DCPS: variants seen among roughly 807,000 people sequenced by gnomAD.
DCPS encodes the protein m7GpppX diphosphatase.
DCPS carries 27 observed loss-of-function variants against 34.7 expected under a neutral mutation model. The observed-to-expected ratio is 0.78, with a 90% CI of 0.57 to 1.07. The LOEUF is 1.07. DCPS is among the 50% of genes least tolerant of loss of function. DCPS has a pLI of 0.00. For missense variants in DCPS, 464 were observed against 436.9 expected, an observed-to-expected ratio of 1.06 and a Z score of -0.55; for synonymous variants, 185 against 185.7, an observed-to-expected ratio of 1.00 and a Z score of 0.03.
chr11:126,326,852 G>A (rs1168243633), intron 2 of DCPS, among the ~76,000 whole-genome samples: 2 of 152,096 alleles, frequency 1.3e-5, no homozygotes, highest in Non-Finnish European at 2.9e-5. Flanking sequence ...GAGCCCGGGA[G>A]GCGGAGCTTG....
chr11:126,349,875 A>G lies in DCPS; in HGVS notation c.*4262A>G, dbSNP rs141359729. On this transcript the variant is annotated 3_prime_UTR_variant, in exon 6 of 6. Transcript: ENST00000263579. The surrounding 1 kb of genome is among the most constrained non-coding windows in gnomAD (Gnocchi z 5.4). ...TATAATATTATTGAAATTACATTGA[A>G]TTCTGAAATCCATGTCAACTTGAAG... Among the ~76,000 whole-genome samples, 1 of 152,250 alleles carries G rather than the reference A, an allele frequency of 6.6e-6. No homozygotes were observed. The highest frequency in any genetic ancestry group is 2.4e-5 in the African/African-American group (1 of 41,466).
rs1342232627 is a variant in DCPS, at chr11:126,345,873, G to A, written c.*260G>A. 3.6e-6 allele frequency: 2 copies of A among 550,522 alleles called. No homozygotes were observed. Among genetic ancestry groups the A allele is most frequent in the South Asian group, 2.1e-5 (1 of 48,350 alleles). The allele number at this position is 550,522 out of a possible 1,614,324, so 34.1% of individuals were successfully genotyped here. On this transcript the variant is annotated 3_prime_UTR_variant, in exon 6 of 6. Coordinates refer to ENST00000263579, the MANE Select transcript of DCPS (RefSeq NM_014026.6). The surrounding 1 kb of genome is among the most constrained non-coding windows in gnomAD (Gnocchi z 7.4). ...AGGTGGTGGTTTCAACTGACAGGTG[G>A]GAGCTGCCCTGGAAGGGTGCCGAGG...
At chr11:126,308,180 G>A (rs983006241) in intron 2 of DCPS, among the ~76,000 whole-genome samples, 116 of 152,178 alleles carry the variant, frequency 7.6e-4, no homozygotes, top group African/African-American at 2.6e-3. Context: ...TTTTTCTCAA[G>A]ATGGTTAGAT....
rs1234305983 is a variant in DCPS at position 126,313,255 on chromosome 11, A to G, written c.376+6511A>G. On this transcript the variant is annotated intron_variant, in intron 2 of 5. Coordinates refer to ENST00000263579, the MANE Select transcript of DCPS (RefSeq NM_014026.6). The surrounding 1 kb of genome is among the most constrained non-coding windows in gnomAD (Gnocchi z 4.9). ...TCCTGGGAATCGTTTCTCTGGTTGC[A>G]GGGAACTCCCGGTACTGTAGCCACA... Among the ~76,000 whole-genome samples, 1 of 152,194 alleles carries G rather than the reference A, an allele frequency of 6.6e-6. No homozygotes were observed. The highest frequency in any genetic ancestry group is 1.5e-5 in the Non-Finnish European group (1 of 68,038).
rs1951937041 is a variant in DCPS at position 126,347,006 on chromosome 11, C to G, written c.*1393C>G. Among the ~76,000 whole-genome samples the G allele has an allele frequency of 6.6e-6, 1 of 151,912 alleles. No individual in the cohort carries two copies. The highest frequency in any genetic ancestry group is 1.5e-5 in the Non-Finnish European group (1 of 67,988). ...TTGGGAGGCTGAAGCAGGAGAATCC[C>G]TTGAACCCGGGAGGCGGAGGTTGCC... is the stretch of plus-strand genomic sequence containing the variant. On this transcript the variant is annotated 3_prime_UTR_variant, in exon 6 of 6. Transcript: ENST00000263579. This position sits in a 1 kb window ranked among gnomAD's most constrained non-coding sequence, Gnocchi z 4.2.
In DCPS at chr11:126,342,579, C is replaced by T. The variant is rs561061861; in HGVS notation, c.637-728C>T. Among the ~76,000 whole-genome samples the T allele has an allele frequency of 2.6e-5, 4 of 152,328 alleles. No individual in the cohort carries two copies. The highest frequency in any genetic ancestry group is 1.3e-4 in the Admixed American group (2 of 15,298). ...ATTCTACCTTTTTTCTAGACCTGAT[C>T]CTCTGCCTTCTCTTCCAGGAGGCCT... is the stretch of plus-strand genomic sequence containing the variant. On this transcript the variant is annotated intron_variant, in intron 4 of 5. Transcript: ENST00000263579. The surrounding 1 kb of genome is among the most constrained non-coding windows in gnomAD (Gnocchi z 4.4).
Position 126,345,521 on chromosome 11 carries a change from G to T in DCPS, c.922G>T (p.Asp308Tyr). Residue 308 changes from aspartate (D) to tyrosine (Y), a missense_variant, in exon 6 of 6, where the codon GAC (aspartate) becomes TAC (tyrosine). Coordinates refer to ENST00000263579, the MANE Select transcript of DCPS (RefSeq NM_014026.6). The surrounding 1 kb of genome is among the most constrained non-coding windows in gnomAD (Gnocchi z 7.4). ...LAEVIENLEC[D>Y]PRHYQQRTLT... is the part of the protein sequence containing the mutation. ...TGAGGTGATCGAGAACTTGGAGTGT[G>T]ACCCTAGGCACTACCAGCAGCGCAC... 6.2e-7 allele frequency: 1 copy of T among 1,614,106 alleles called. No homozygotes were observed. The highest frequency in any genetic ancestry group is 8.5e-7 in the Non-Finnish European group (1 of 1,180,044).
chr11:126,330,978 C>T (rs1007410053), intron 2 of DCPS, among the ~76,000 whole-genome samples: 6 of 151,762 alleles, frequency 4.0e-5, no homozygotes, highest in Admixed American at 6.6e-5. Context: ...TCAGGTGATC[C>T]GCCTGCCTCG....
rs1038238988 is a variant in DCPS at position 126,347,376 on chromosome 11, C to A, written c.*1763C>A. Reference sequence around the variant, plus strand: ...GTAGCTGGGACTACAGGGGTGCGCCCCCATGCCCAGCTAATTTTTGTATTT... The same window carrying A: ...GTAGCTGGGACTACAGGGGTGCGCCACCATGCCCAGCTAATTTTTGTATTT... On this transcript the variant is annotated 3_prime_UTR_variant, in exon 6 of 6. Coordinates refer to ENST00000263579, the MANE Select transcript of DCPS (RefSeq NM_014026.6). The surrounding 1 kb of genome is among the most constrained non-coding windows in gnomAD (Gnocchi z 4.2). 1.3e-5 allele frequency among the ~76,000 whole-genome samples: 2 copies of A among 152,106 alleles called. No homozygotes were observed. Among genetic ancestry groups the A allele is most frequent in the South Asian group, 2.1e-4 (1 of 4,816 alleles).
rs1176841657 is a variant in DCPS, at chr11:126,347,230, T to G, written c.*1617T>G. 1.3e-5 allele frequency among the ~76,000 whole-genome samples: 2 copies of G among 149,626 alleles called. No individual in the cohort carries two copies. Among genetic ancestry groups the G allele is most frequent in the Non-Finnish European group, 3.0e-5 (2 of 67,260 alleles). On this transcript the variant is annotated 3_prime_UTR_variant, in exon 6 of 6. Transcript: ENST00000263579. This position sits in a 1 kb window ranked among gnomAD's most constrained non-coding sequence, Gnocchi z 4.2. ...CCATTCTTCCCTGCAGCTCTTTTTT[T>G]TTTTTTTTTTTTTGAGACAATCTCG...
chr11:126,334,437 A>T lies in DCPS; in HGVS notation c.522+2887A>T, dbSNP rs538253263. ...CGGCTCACTGCAACCTTCTCCTGCCAGGTTCAAGTGATTCTCCTGTCTCAC... is the reference window on the plus strand; with the variant it reads ...CGGCTCACTGCAACCTTCTCCTGCCTGGTTCAAGTGATTCTCCTGTCTCAC... On this transcript the variant is annotated intron_variant, in intron 3 of 5. Transcript: ENST00000263579. This position sits in a 1 kb window ranked among gnomAD's most constrained non-coding sequence, Gnocchi z 5.5. Among the ~76,000 whole-genome samples the T allele has an allele frequency of 6.6e-6, 1 of 152,012 alleles. No homozygotes were observed. Among genetic ancestry groups the T allele is most frequent in the Non-Finnish European group, 1.5e-5 (1 of 68,004 alleles).
At position 126,327,157 on chromosome 11, in the gene DCPS, G is replaced by T. The variant is rs1028681754; in HGVS notation, c.377-4248G>T. Among the ~76,000 whole-genome samples, 3 of 152,166 alleles carry T rather than the reference G, an allele frequency of 2.0e-5. No individual in the cohort carries two copies. The highest frequency in any genetic ancestry group is 7.2e-5 in the African/African-American group (3 of 41,452). On this transcript the variant is annotated intron_variant, in intron 2 of 5. Transcript: ENST00000263579. This position sits in a 1 kb window ranked among gnomAD's most constrained non-coding sequence, Gnocchi z 4.1. ...CGCCCCTCCCCGGATCCCAACCCCG[G>T]ATCTAATCCAATCCCTTTAGTCCCG...
intron 2 of DCPS, among the ~76,000 whole-genome samples, chr11:126,307,422 A>T (rs111827111): frequency 0.026 from 3,902 of 151,216 alleles, 91 homozygotes; most frequent in African/African-American, 0.068. Flanking sequence ...ATATATATAT[A>T]TTTTTTGAGA....
At position 126,333,753 on chromosome 11, in the gene DCPS, G is replaced by A. The variant is rs1951809644; in HGVS notation, c.522+2203G>A. 1.3e-5 allele frequency among the ~76,000 whole-genome samples: 2 copies of A among 152,188 alleles called. No individual in the cohort carries two copies. Among genetic ancestry groups the A allele is most frequent in the Non-Finnish European group, 2.9e-5 (2 of 68,040 alleles). Reference sequence around the variant, plus strand: ...GTGGACTTTGTCCAGGGGGCCAGGAGTTCCTGAACCTTGCTTACCATCAGG... The same window carrying A: ...GTGGACTTTGTCCAGGGGGCCAGGAATTCCTGAACCTTGCTTACCATCAGG... On this transcript the variant is annotated intron_variant, in intron 3 of 5. Transcript: ENST00000263579. The surrounding 1 kb of genome is among the most constrained non-coding windows in gnomAD (Gnocchi z 5.7).
chr11:126,327,001 A>G lies in DCPS; in HGVS notation c.377-4404A>G, dbSNP rs940723420. Among the ~76,000 whole-genome samples, 8 of 152,194 alleles carry G rather than the reference A, an allele frequency of 5.3e-5. No individual in the cohort carries two copies. Among genetic ancestry groups the G allele is most frequent in the African/African-American group, 1.7e-4 (7 of 41,436 alleles). ...ACATTGGCTTTTTCTGTCTCCACAT[A>G]TACGTAGAATAATGATAACGATGGA... On this transcript the variant is annotated intron_variant, in intron 2 of 5. Coordinates refer to ENST00000263579, the MANE Select transcript of DCPS (RefSeq NM_014026.6). This position sits in a 1 kb window ranked among gnomAD's most constrained non-coding sequence, Gnocchi z 4.1.
rs112209917 is a variant in DCPS, at chr11:126,333,865, TTCTCTCTCTC to T, written c.522+2333_522+2342del. Among the ~76,000 whole-genome samples the T allele has an allele frequency of 5.4e-5, 8 of 149,212 alleles. No individual in the cohort carries two copies. The highest frequency in any genetic ancestry group is 7.4e-5 in the Non-Finnish European group (5 of 67,224). On this transcript the variant is annotated intron_variant, in intron 3 of 5. Coordinates refer to ENST00000263579, the MANE Select transcript of DCPS (RefSeq NM_014026.6). The surrounding 1 kb of genome is among the most constrained non-coding windows in gnomAD (Gnocchi z 5.7). ...ACGCTTCAGGGAGTGGAGCTGGGAA[TTCTCTCTCTC>T]TCTCTCTCTCTCTCTCTGATATTTC...
rs946133205 is a variant in DCPS at position 126,338,999 on chromosome 11, A to G, written c.636+600A>G. Reference sequence around the variant, plus strand: ...CACAGGTATCCCTTTCCAGTTCCCTATGGTCTTCTGTCTCTCCCAGACCAG... The same window carrying G: ...CACAGGTATCCCTTTCCAGTTCCCTGTGGTCTTCTGTCTCTCCCAGACCAG... On this transcript the variant is annotated intron_variant, in intron 4 of 5. Coordinates refer to ENST00000263579, the MANE Select transcript of DCPS (RefSeq NM_014026.6). The surrounding 1 kb of genome is among the most constrained non-coding windows in gnomAD (Gnocchi z 5.4). Among the ~76,000 whole-genome samples the G allele has an allele frequency of 6.6e-6, 1 of 152,162 alleles. No homozygotes were observed. The highest frequency in any genetic ancestry group is 1.5e-5 in the Non-Finnish European group (1 of 68,018).
At chr11:126,304,851 C>A (rs1951550173) in intron 1 of DCPS, among the ~76,000 whole-genome samples, 1 of 152,234 alleles carries the variant, frequency 6.6e-6, no homozygotes, top group Non-Finnish European at 1.5e-5. Context: ...GAGACAGATA[C>A]ACACAGCTTG....
In DCPS at chr11:126,306,750, C is replaced by T. The variant is rs1460981946; in HGVS notation, c.376+6C>T. 1.9e-6 allele frequency: 3 copies of T among 1,586,554 alleles called. No homozygotes were observed. Among genetic ancestry groups the T allele is most frequent in the Admixed American group, 3.4e-5 (2 of 59,374 alleles). The stretch of plus-strand genomic sequence containing the variant: ...CCCTCCAAGACAACTGAATGGTGAG[C>T]AAGAGGTGGCCAGGGTGGCTGTATG... On this transcript the variant is annotated splice_donor_region_variant and intron_variant, in intron 2 of 5. Coordinates refer to ENST00000263579, the MANE Select transcript of DCPS (RefSeq NM_014026.6).
Sources: allele counts gnomAD v4.1 joint callset (sites outside exome capture counted in the v4.1 genomes callset), GRCh38; gene constraint gnomAD v4.1.1; non-coding constraint Gnocchi (gnomAD v3.1); transcripts MANE v1.5; gene names NCBI Gene and HGNC (gene_info 2026-07-23, HGNC 2026-07-21).